GALNT18: variants seen among roughly 807,000 people sequenced by gnomAD.
GALNT18 encodes the protein polypeptide N-acetylgalactosaminyltransferase 18.
A neutral mutation model predicts 69.5 loss-of-function variants in GALNT18; 44 were observed. The ratio of observed to expected loss-of-function variants is 0.63; its 90% CI spans 0.50 to 0.81. The LOEUF (loss-of-function observed/expected upper bound fraction) is 0.81. Among genes scored for constraint, GALNT18 ranks in the 40% least tolerant of loss-of-function variants. The probability of loss-of-function intolerance (pLI) is 0.00; values close to 1 mark genes in which losing one functional copy is unlikely to be tolerated. For synonymous variants in GALNT18, 364 were observed against 318.2 expected (o/e 1.14, Z -1.53); for missense variants, 715 against 810.0 (o/e 0.88, Z 1.42).
At chr11:11,520,885 C>T (rs556104412) in intron 1 of GALNT18, among the ~76,000 whole-genome samples, 2 of 152,194 alleles carry the variant, frequency 1.3e-5, no homozygotes, top group South Asian at 2.1e-4. Context: ...GCAGGCCCTA[C>T]ACCAGCATGT....
intron 3 of GALNT18, among the ~76,000 whole-genome samples, chr11:11,381,519 A>G (rs1027328072): frequency 1.3e-5 from 2 of 152,180 alleles, no homozygotes; most frequent in African/African-American, 2.4e-5. Flanking sequence ...ATGGTCTCCT[A>G]TGAATTTCAC....
chr11:11,530,117 T>G (rs1394462939), intron 1 of GALNT18, among the ~76,000 whole-genome samples: 5 of 152,070 alleles, frequency 3.3e-5, no homozygotes, highest in African/African-American at 9.7e-5. Context: ...CTCATTCACA[T>G]GCACCGGCTT....
intron 6 of GALNT18, among the ~76,000 whole-genome samples, chr11:11,342,693 C>T (rs1850230799): frequency 6.6e-6 from 1 of 152,198 alleles, no homozygotes; most frequent in African/African-American, 2.4e-5. Flanking sequence ...AGGCACTGGA[C>T]TGTACATTCA....
intron 1 of GALNT18, among the ~76,000 whole-genome samples, chr11:11,468,767 G>A (rs1856209470): frequency 6.6e-6 from 1 of 152,206 alleles, no homozygotes; most frequent in African/African-American, 2.4e-5. Context: ...CTTCAAGGAT[G>A]ACCAGCTTTG....
intron 1 of GALNT18, among the ~76,000 whole-genome samples, chr11:11,557,045 A>C (rs1326743173): frequency 6.6e-6 from 1 of 152,150 alleles, no homozygotes; most frequent in Non-Finnish European, 1.5e-5. Flanking sequence ...GGTCTTTCCT[A>C]GACAGTCTCA....
chr11:11,428,885 C>T (rs1046108298), intron 3 of GALNT18, among the ~76,000 whole-genome samples: 2 of 152,156 alleles, frequency 1.3e-5, no homozygotes, highest in African/African-American at 4.8e-5. Context: ...GTGTTCCCAT[C>T]GTGTGTGTAT....
At chr11:11,577,365 T>C (rs770039238) in intron 1 of GALNT18, among the ~76,000 whole-genome samples, 3 of 152,176 alleles carry the variant, frequency 2.0e-5, no homozygotes, top group Non-Finnish European at 4.4e-5. Flanking sequence ...GCAGCCCTGC[T>C]GTCCAGCCCT....
chr11:11,276,480 G>A (rs894492191), intron 10 of GALNT18, among the ~76,000 whole-genome samples: 7 of 152,060 alleles, frequency 4.6e-5, no homozygotes, highest in South Asian at 2.1e-4. Flanking sequence ...GCAAACAGAG[G>A]CAATTTGACT....
At chr11:11,580,426 C>T (rs935491571) in intron 1 of GALNT18, among the ~76,000 whole-genome samples, 6 of 152,186 alleles carry the variant, frequency 3.9e-5, no homozygotes, top group Admixed American at 2.6e-4. Context: ...TCATGTTTCC[C>T]GGCTTTTGCC....
Position 11,432,705 on chromosome 11 carries a change from G to A in GALNT18, c.511C>T (p.Leu171=). Residue 171 remains leucine, a synonymous_variant, in exon 3 of 11, where the codon CTG becomes TTG. Transcript: ENST00000227756. The surrounding 1 kb of genome is among the most constrained non-coding windows in gnomAD (Gnocchi z 5.8). The stretch of plus-strand genomic sequence containing the variant: ...TCCATGGCCGAGTGGATGGAGCGCA[G>A]CAGCACTGAAAGCGCTTCATTGACG... The part of the protein sequence containing the change: ...IFVNEALSVL[L]RSIHSAMERT... 1 of 1,613,884 alleles carries A rather than the reference G, an allele frequency of 6.2e-7. No individual in the cohort carries two copies. Among genetic ancestry groups the A allele is most frequent in the Non-Finnish European group, 8.5e-7 (1 of 1,179,918 alleles).
intron 10 of GALNT18, among the ~76,000 whole-genome samples, chr11:11,286,087 G>T (rs1849187447): frequency 6.6e-6 from 1 of 152,136 alleles, no homozygotes; most frequent in Admixed American, 6.5e-5. Context: ...CAGGGGGCTG[G>T]GGTGTGGTGT....
rs1360901243 is a variant in GALNT18 at position 11,511,380 on chromosome 11, C to T, written c.236-62444G>A. On this transcript the variant is annotated intron_variant, in intron 1 of 10. Transcript: ENST00000227756. This position sits in a 1 kb window ranked among gnomAD's most constrained non-coding sequence, Gnocchi z 4.9. Reference sequence around the variant, plus strand: ...GAGCTACAGCTCAAGGTTGCTGTGTCCCCGCAGCCAAGGCTGAAGCATGAC... The same window carrying T: ...GAGCTACAGCTCAAGGTTGCTGTGTTCCCGCAGCCAAGGCTGAAGCATGAC... Among the ~76,000 whole-genome samples, 2 of 152,144 alleles carry T rather than the reference C, an allele frequency of 1.3e-5. No homozygotes were observed. The highest frequency in any genetic ancestry group is 2.4e-5 in the African/African-American group (1 of 41,440).
At chr11:11,355,460 G>T (rs557776203) in intron 6 of GALNT18, among the ~76,000 whole-genome samples, 44 of 152,296 alleles carry the variant, frequency 2.9e-4, no homozygotes, top group African/African-American at 1.0e-3. Context: ...GTTCTGGTTT[G>T]CTGGGGACTA....
intron 1 of GALNT18, among the ~76,000 whole-genome samples, chr11:11,550,821 T>C (rs1858170179): frequency 6.6e-6 from 1 of 152,236 alleles, no homozygotes; most frequent in African/African-American, 2.4e-5. Flanking sequence ...TCACTTAATT[T>C]AAATGTAAAC....
At position 11,332,282 on chromosome 11, in the gene GALNT18, C is replaced by A. The variant is rs1850028670; in HGVS notation, c.1416+412G>T. 6.6e-6 allele frequency among the ~76,000 whole-genome samples: 1 copy of A among 152,182 alleles called. No homozygotes were observed. Among genetic ancestry groups the A allele is most frequent in the African/African-American group, 2.4e-5 (1 of 41,434 alleles). On this transcript the variant is annotated intron_variant, in intron 8 of 10. Transcript: ENST00000227756. This position sits in a 1 kb window ranked among gnomAD's most constrained non-coding sequence, Gnocchi z 4.3. ...GTCTCTAGAACTCTTCTCAGGGAGG[C>A]TCTGCATGCGAGTGGGAGGCATTAG... is the stretch of plus-strand genomic sequence containing the variant.
chr11:11,366,349 G>A (rs10831604), intron 6 of GALNT18, among the ~76,000 whole-genome samples: 26,436 of 152,106 alleles, frequency 0.17, 2,894 homozygotes, highest in East Asian at 0.39. Flanking sequence ...AAAAAATAAA[G>A]CACTACATAA....
At chr11:11,392,493 C>G (rs1340230057) in intron 3 of GALNT18, among the ~76,000 whole-genome samples, 3 of 152,160 alleles carry the variant, frequency 2.0e-5, no homozygotes, top group Admixed American at 2.0e-4. Context: ...GTAGCGCATG[C>G]CTGTAATCCC....
At chr11:11,460,818 T>C (rs1050812321) in intron 1 of GALNT18, among the ~76,000 whole-genome samples, 5 of 152,214 alleles carry the variant, frequency 3.3e-5, no homozygotes, top group Admixed American at 6.5e-5. Flanking sequence ...ATTGTTAGTT[T>C]GTTGTTGCTT....
rs142625120 is a variant in GALNT18, at chr11:11,574,077, G to A, written c.235+47282C>T. Among the ~76,000 whole-genome samples, 158 of 152,238 alleles carry A rather than the reference G, an allele frequency of 1.0e-3. 1 individual carries two copies. The highest frequency in any genetic ancestry group is 3.5e-3 in the African/African-American group (144 of 41,552). On this transcript the variant is annotated intron_variant, in intron 1 of 10. Transcript: ENST00000227756. ...CTTTCAACAATCAGAGGACAATCTA[G>A]GCAAGTCAATTATTGTAGGTATGTG...
Sources: allele counts gnomAD v4.1 joint callset (sites outside exome capture counted in the v4.1 genomes callset), GRCh38; gene constraint gnomAD v4.1.1; non-coding constraint Gnocchi (gnomAD v3.1); transcripts MANE v1.5; gene names NCBI Gene and HGNC (gene_info 2026-07-23, HGNC 2026-07-21).